The following DNAH7 variants were observed in gnomAD, a reference collection of about 807,000 sequenced individuals.
DNAH7 encodes dynein axonemal heavy chain 7, also known as axonemal beta dynein heavy chain 7.
DNAH7 carries 397 observed loss-of-function variants against 444.6 expected under a neutral mutation model. That is an observed-to-expected ratio of 0.89 (90% CI 0.82 to 0.97). DNAH7 has a LOEUF of 0.97. Ranked by LOEUF, DNAH7 falls within the 50% of genes least tolerant of loss-of-function variation. The pLI, the probability that DNAH7 is intolerant of heterozygous loss-of-function variation, is 0.00. For synonymous variants in DNAH7, 1,636 were observed against 1,624.4 expected (o/e 1.01, Z -0.17); for missense variants, 4,902 against 4,800.8 (o/e 1.02, Z -0.62).
At chr2:196,019,831 G>A (rs949500745) in intron 8 of DNAH7, among the ~76,000 whole-genome samples, 1 of 152,094 alleles carries the variant, frequency 6.6e-6, no homozygotes, top group Non-Finnish European at 1.5e-5. Flanking sequence ...CACATTTACA[G>A]TTAACCCTTG....
chr2:195,777,968 A>T lies in DNAH7; in HGVS notation c.10896T>A (p.Ala3632=). The change falls in exon 59 of 65, where the codon GCT becomes GCA. Residue 3632 remains alanine, a synonymous_variant. Transcript: ENST00000312428. ...TGCATTCGCCAGTCATGTACCGCAG[A>T]GCCTCATACGGCAGTTCCTAAAATA... The part of the protein sequence containing the change: ...LNQYEELPYE[A]LRYMTGECNY... 1.2e-6 allele frequency: 2 copies of T among 1,612,656 alleles called. No individual in the cohort carries two copies. Among genetic ancestry groups the T allele is most frequent in the Non-Finnish European group, 8.5e-7 (1 of 1,178,998 alleles).
chr2:195,976,787 G>GAGAGAGAGAGAGAGAGAGAC (rs1692239458), intron 15 of DNAH7, among the ~76,000 whole-genome samples: 1 of 146,442 alleles, frequency 6.8e-6, no homozygotes, highest in Non-Finnish European at 1.5e-5. Context: ...GAGAGAGAGA[G>GAGAGAGAGAGAGAGAGAGAC]ACTCTCTAAT....
chr2:195,773,420 CA>C (rs10718599), intron 60 of DNAH7, among the ~76,000 whole-genome samples: 126,341 of 141,014 alleles, frequency 0.9, 56,700 homozygotes, highest in East Asian at 0.99. Flanking sequence ...TGTGCCTCTG[CA>C]AAAAAAAAAA....
At chr2:195,954,724 C>A (rs1349145487) in intron 19 of DNAH7, among the ~76,000 whole-genome samples, 1 of 152,210 alleles carries the variant, frequency 6.6e-6, no homozygotes, top group African/African-American at 2.4e-5. Context: ...GCCATTCTAA[C>A]TGGCATGAGA....
Position 196,068,689 on chromosome 2 carries a change from C to A in DNAH7, c.15+8G>T. The A allele has an allele frequency of 6.4e-7, 1 of 1,551,368 alleles. No individual in the cohort carries two copies. Among genetic ancestry groups the A allele is most frequent in the East Asian group, 2.4e-5 (1 of 41,078 alleles). On this transcript the variant is annotated splice_region_variant and intron_variant, in intron 1 of 64. Coordinates refer to ENST00000312428, the MANE Select transcript of DNAH7 (RefSeq NM_018897.3). ...GGCGGCGAGCCTGGCAAAGAGCAGC[C>A]CTCTCACCTGCTCACTGCTCATGGC...
intron 39 of DNAH7, 51 bp from the exon 40 acceptor site, chr2:195,872,520 T>C: frequency 7.9e-7 from 1 of 1,262,944 alleles, no homozygotes; most frequent in Non-Finnish European, 1.1e-6. Context: ...AATTATAGAA[T>C]TACGACACAA....
intron 19 of DNAH7, among the ~76,000 whole-genome samples, chr2:195,945,300 G>A (rs953547402): frequency 6.6e-6 from 1 of 152,084 alleles, no homozygotes; most frequent in African/African-American, 2.4e-5. Context: ...CCCCAATCAG[G>A]ACTAAAGGAT....
chr2:195,779,720 C>T (rs993737883), intron 58 of DNAH7, among the ~76,000 whole-genome samples: 2 of 152,024 alleles, frequency 1.3e-5, no homozygotes, highest in Non-Finnish European at 2.9e-5. Context: ...ATCCTCCTAC[C>T]TCAGCCTCTC....
At chr2:195,767,315 A>G (rs1694633744) in intron 61 of DNAH7, among the ~76,000 whole-genome samples, 1 of 151,986 alleles carries the variant, frequency 6.6e-6, no homozygotes, top group Admixed American at 6.6e-5. Flanking sequence ...AGACCTTTTA[A>G]TTTATTGAGA....
chr2:195,830,297 C>T (rs1260399379), intron 48 of DNAH7, among the ~76,000 whole-genome samples: 3 of 152,174 alleles, frequency 2.0e-5, no homozygotes, highest in Admixed American at 1.3e-4. Context: ...TCATCTCACT[C>T]AAAACAAACA....
At chr2:195,843,811 T>C (rs1011601430) in intron 47 of DNAH7, among the ~76,000 whole-genome samples, 2 of 152,192 alleles carry the variant, frequency 1.3e-5, no homozygotes, top group Admixed American at 6.5e-5. Flanking sequence ...AAATACTATG[T>C]AGAGGCCAGG....
intron 42 of DNAH7, among the ~76,000 whole-genome samples, chr2:195,860,966 A>G (rs1344772687): frequency 6.6e-6 from 1 of 152,132 alleles, no homozygotes; most frequent in Non-Finnish European, 1.5e-5. Context: ...CGTTTAAAAT[A>G]CTAGACTTAT....
At chr2:195,940,611 T>G (rs2125433376) in intron 19 of DNAH7, among the ~76,000 whole-genome samples, 1 of 152,068 alleles carries the variant, frequency 6.6e-6, no homozygotes, top group East Asian at 1.9e-4. Context: ...TGGGAGAACA[T>G]TTTTGCAATC....
chr2:195,977,969 C>T (rs1172420158), intron 15 of DNAH7, among the ~76,000 whole-genome samples: 3 of 152,254 alleles, frequency 2.0e-5, no homozygotes, highest in Non-Finnish European at 2.9e-5. Flanking sequence ...TTCATCAACA[C>T]CAGACCTGTC....
intron 44 of DNAH7, among the ~76,000 whole-genome samples, chr2:195,856,582 G>C (rs183748330): frequency 2.0e-5 from 3 of 152,066 alleles, no homozygotes; most frequent in Non-Finnish European, 4.4e-5. Flanking sequence ...ATTAAAATTG[G>C]ATATGAGTTT....
intron 19 of DNAH7, among the ~76,000 whole-genome samples, chr2:195,956,265 T>G (rs1690646854): frequency 6.6e-6 from 1 of 151,968 alleles, no homozygotes; most frequent in Non-Finnish European, 1.5e-5. Flanking sequence ...AAAATACCAA[T>G]GCAGAAGTTT....
At chr2:196,054,027 G>A (rs574023182) in intron 2 of DNAH7, among the ~76,000 whole-genome samples, 2 of 152,256 alleles carry the variant, frequency 1.3e-5, no homozygotes, top group East Asian at 3.9e-4. Flanking sequence ...AATCTTTGTT[G>A]GGTTAAGTCT....
intron 61 of DNAH7, 127 bp downstream of exon 61, chr2:195,771,533 C>T: frequency 1.4e-6 from 1 of 699,800 alleles, no homozygotes; most frequent in South Asian, 1.9e-5. Flanking sequence ...GAATTATTTT[C>T]TAATCTTATT....
At chr2:195,947,926 C>G (rs1255624015) in intron 19 of DNAH7, among the ~76,000 whole-genome samples, 1 of 152,170 alleles carries the variant, frequency 6.6e-6, no homozygotes, top group East Asian at 1.9e-4. Flanking sequence ...TAAAAACGTT[C>G]CTATTCCTTC....
Sources: allele counts gnomAD v4.1 joint callset (sites outside exome capture counted in the v4.1 genomes callset), GRCh38; gene constraint gnomAD v4.1.1; transcripts MANE v1.5; gene names NCBI Gene and HGNC (gene_info 2026-07-23, HGNC 2026-07-21).